ZBTB38: variants seen among roughly 807,000 people sequenced by gnomAD.
ZBTB38 encodes zinc finger and BTB domain containing 38.
ZBTB38 carries 20 observed loss-of-function variants against 76.8 expected under a neutral mutation model. The observed-to-expected ratio is 0.26, with a 90% CI of 0.18 to 0.38. The LOEUF is 0.38. Among genes scored for constraint, ZBTB38 ranks in the 10% least tolerant of loss-of-function variants. ZBTB38 has a pLI of 1.00. For missense variants in ZBTB38, 1,082 were observed against 1,482.3 expected (o/e 0.73, Z 4.43); for synonymous variants, 504 against 544.2 (o/e 0.93, Z 1.03).
intron 3 of ZBTB38, among the ~76,000 whole-genome samples, chr3:141,382,356 G>C (rs963319895): frequency 6.6e-6 from 1 of 152,170 alleles, no homozygotes. Flanking sequence ...AATACATTGG[G>C]TGTAAAAGGA....
chr3:141,418,476 A>T (rs1030535451), intron 5 of ZBTB38, among the ~76,000 whole-genome samples: 1 of 152,152 alleles, frequency 6.6e-6, no homozygotes, highest in Non-Finnish European at 1.5e-5. Context: ...AGAGCCCTGG[A>T]TGCCCCATCA....
In ZBTB38 at chr3:141,413,782, T is replaced by C. The variant is rs906103586; in HGVS notation, c.-1+9751T>C. On this transcript the variant is annotated intron_variant, in intron 5 of 5. Coordinates refer to ENST00000321464, the MANE Select transcript of ZBTB38 (RefSeq NM_001376113.1). The surrounding 1 kb of genome is among the most constrained non-coding windows in gnomAD (Gnocchi z 4.1). ...TTAAGTACCCCTTTTTCTTGAAGCT[T>C]GAACAGACTTTATCATTAATGTGAC... Among the ~76,000 whole-genome samples the C allele has an allele frequency of 6.6e-6, 1 of 152,216 alleles. No individual in the cohort carries two copies. Among genetic ancestry groups the C allele is most frequent in the African/African-American group, 2.4e-5 (1 of 41,466 alleles).
At chr3:141,417,711 T>C (rs1326714525) in intron 5 of ZBTB38, among the ~76,000 whole-genome samples, 2 of 152,140 alleles carry the variant, frequency 1.3e-5, no homozygotes, top group Non-Finnish European at 2.9e-5. Context: ...AAGTTGTACA[T>C]AGAGAGCTTA....
At chr3:141,382,928 G>A (rs1298252518) in intron 3 of ZBTB38, among the ~76,000 whole-genome samples, 3 of 152,166 alleles carry the variant, frequency 2.0e-5, no homozygotes, top group Non-Finnish European at 4.4e-5. Flanking sequence ...TAGGACTGGT[G>A]GAAAGACGTA....
intron 1 of ZBTB38, among the ~76,000 whole-genome samples, chr3:141,348,920 A>G (rs1162357832): frequency 7.1e-6 from 1 of 141,146 alleles, no homozygotes; most frequent in Non-Finnish European, 1.6e-5. Context: ...TAGAAGAAAG[A>G]TAAAGGAAGC....
chr3:141,400,910 T>C (rs369281900), intron 4 of ZBTB38, among the ~76,000 whole-genome samples: 4 of 152,180 alleles, frequency 2.6e-5, no homozygotes, highest in African/African-American at 9.7e-5. Context: ...CAAAGCGGAA[T>C]TGCCTTGCCC....
chr3:141,354,040 C>G (rs746934850), intron 1 of ZBTB38, among the ~76,000 whole-genome samples: 1 of 152,110 alleles, frequency 6.6e-6, no homozygotes, highest in Non-Finnish European at 1.5e-5. Context: ...TTGTTGATTT[C>G]GTAAGTCAAT....
intron 5 of ZBTB38, among the ~76,000 whole-genome samples, chr3:141,409,107 G>A (rs757527490): frequency 3.3e-5 from 5 of 151,996 alleles, no homozygotes; most frequent in Non-Finnish European, 7.4e-5. Flanking sequence ...GTGCAGTGGC[G>A]CTATCTCAGC....
At chr3:141,427,614 C>G (rs2076639730) in intron 5 of ZBTB38, 1 of 152,334 alleles carries the variant, frequency 6.6e-6, no homozygotes, top group South Asian at 2.1e-4. Flanking sequence ...GCTGACCAGT[C>G]TCCACTCTGT....
intron 1 of ZBTB38, among the ~76,000 whole-genome samples, chr3:141,357,689 C>T (rs1943706390): frequency 6.6e-6 from 1 of 152,086 alleles, no homozygotes; most frequent in African/African-American, 2.4e-5. Context: ...GCCACCACGC[C>T]CTGCTAATTT....
chr3:141,343,719 C>G (rs1046044230), intron 1 of ZBTB38, among the ~76,000 whole-genome samples: 1 of 152,134 alleles, frequency 6.6e-6, no homozygotes, highest in African/African-American at 2.4e-5. Context: ...GAGCCAGGAC[C>G]AGGCATGGAT....
chr3:141,406,618 G>A (rs974506968), intron 5 of ZBTB38, among the ~76,000 whole-genome samples: 1 of 152,118 alleles, frequency 6.6e-6, no homozygotes, highest in African/African-American at 2.4e-5. Context: ...TGGTTTATAA[G>A]AAAAAGTCAA....
intron 5 of ZBTB38, among the ~76,000 whole-genome samples, chr3:141,417,011 G>T (rs2074211069): frequency 6.6e-6 from 1 of 152,172 alleles, no homozygotes; most frequent in African/African-American, 2.4e-5. Flanking sequence ...CAGGAAACAA[G>T]TACAGTGTCC....
chr3:141,344,159 C>T (rs1052342717), intron 1 of ZBTB38, among the ~76,000 whole-genome samples: 8 of 152,148 alleles, frequency 5.3e-5, no homozygotes, highest in Non-Finnish European at 1.2e-4. Flanking sequence ...AGTAAGTCAC[C>T]GAAAACTTGG....
intron 2 of ZBTB38, among the ~76,000 whole-genome samples, chr3:141,377,368 G>A (rs1379250684): frequency 1.3e-5 from 2 of 152,218 alleles, no homozygotes; most frequent in Non-Finnish European, 2.9e-5. Flanking sequence ...AGGCCACAGA[G>A]CTTAACTGCC....
At chr3:141,394,634 C>G (rs544756214) in intron 4 of ZBTB38, among the ~76,000 whole-genome samples, 46 of 152,250 alleles carry the variant, frequency 3.0e-4, no homozygotes, top group Non-Finnish European at 4.7e-4. Flanking sequence ...GAGCCTTCCT[C>G]TTCCTTCCTT....
intron 1 of ZBTB38, among the ~76,000 whole-genome samples, chr3:141,353,995 CA>C (rs564933738): frequency 1.2e-4 from 18 of 152,158 alleles, no homozygotes; most frequent in Admixed American, 5.2e-4. Flanking sequence ...GGTCTTATCC[CA>C]AAATTTCTTC....
intron 1 of ZBTB38, among the ~76,000 whole-genome samples, chr3:141,346,982 T>A (rs934283161): frequency 2.0e-5 from 3 of 152,180 alleles, no homozygotes; most frequent in Non-Finnish European, 4.4e-5. Flanking sequence ...CGCCACTAGC[T>A]TTTATAAAGG....
intron 5 of ZBTB38, among the ~76,000 whole-genome samples, chr3:141,436,901 G>A (rs146882348): frequency 7.9e-5 from 12 of 152,314 alleles, no homozygotes; most frequent in Admixed American, 5.9e-4. Flanking sequence ...TGTGGGGACC[G>A]GATTTGCTGC....
Sources: gnomAD v4.1 joint callset for allele counts (sites outside exome capture counted in the v4.1 genomes callset) on GRCh38, gnomAD v4.1.1 for gene constraint, Gnocchi (gnomAD v3.1) non-coding constraint, MANE v1.5 for transcripts, NCBI Gene and HGNC (gene_info 2026-07-23, HGNC 2026-07-21) for gene names.